ADAM19: variants seen among roughly 807,000 people sequenced by gnomAD.
ADAM19 encodes ADAM metallopeptidase domain 19.
ADAM19 carries 65 observed loss-of-function variants against 114.7 expected under a neutral mutation model. The ratio of observed to expected loss-of-function variants is 0.57; its 90% CI spans 0.46 to 0.70. The LOEUF is 0.70. Among genes scored for constraint, ADAM19 ranks in the 30% least tolerant of loss-of-function variants. The pLI is 0.00. For synonymous variants in ADAM19, 466 were observed against 460.5 expected (o/e 1.01, Z -0.15); for missense variants, 1,063 against 1,204.7 (o/e 0.88, Z 1.74).
intron 4 of ADAM19, among the ~76,000 whole-genome samples, chr5:157,532,593 G>T (rs997980224): frequency 5.3e-5 from 8 of 152,152 alleles, no homozygotes; most frequent in Non-Finnish European, 1.2e-4. Flanking sequence ...AACCCACAGG[G>T]TAGAGCCAAG....
At chr5:157,481,709 G>T in intron 22 of ADAM19, 82 bp downstream of exon 22, 1 of 1,551,828 alleles carries the variant, frequency 6.4e-7, no homozygotes, top group Non-Finnish European at 8.7e-7. Flanking sequence ...AGCATGAATT[G>T]CTTTGTTTTC....
intron 5 of ADAM19, among the ~76,000 whole-genome samples, chr5:157,521,476 G>A (rs772754516): frequency 1.5e-4 from 23 of 152,196 alleles, no homozygotes; most frequent in Non-Finnish European, 2.2e-4. Context: ...CACCACAACC[G>A]CCACTTGGGA....
intron 8 of ADAM19, among the ~76,000 whole-genome samples, chr5:157,510,252 A>G (rs1478611876): frequency 6.6e-6 from 1 of 152,250 alleles, no homozygotes; most frequent in Non-Finnish European, 1.5e-5. Context: ...AGGTGGATGG[A>G]TCACATGAGG....
At chr5:157,564,258 A>G in intron 3 of ADAM19, 115 bp downstream of exon 3, 1 of 916,860 alleles carries the variant, frequency 1.1e-6, no homozygotes, top group Non-Finnish European at 1.8e-6. Flanking sequence ...GAAACCAAGG[A>G]CTGAGAGCTT....
chr5:157,530,748 T>C (rs1756601055), intron 5 of ADAM19, 59 bp downstream of exon 5: 13 of 1,472,098 alleles, frequency 8.8e-6, no homozygotes, highest in Non-Finnish European at 1.2e-5. Flanking sequence ...TTGTCTATCT[T>C]GAAACTTCCA....
intron 2 of ADAM19, among the ~76,000 whole-genome samples, chr5:157,565,602 G>A (rs1388429046): frequency 2.0e-5 from 3 of 151,730 alleles, no homozygotes; most frequent in Non-Finnish European, 2.9e-5. Context: ...CTAGCTACTC[G>A]GGAGGCTGAG....
rs756473668 is a variant in ADAM19, at chr5:157,562,882, C to T, written c.251+1491G>A. 5.5e-4 allele frequency among the ~76,000 whole-genome samples: 84 copies of T among 152,096 alleles called. 1 individual carries two copies. Among genetic ancestry groups the T allele is most frequent in the Non-Finnish European group, 1.0e-3 (71 of 68,010 alleles). On this transcript the variant is annotated intron_variant, in intron 3 of 22. Coordinates refer to ENST00000257527, the MANE Select transcript of ADAM19 (RefSeq NM_033274.5). ...GGCCAGTCCAACTCCTAAGCATTTT[C>T]CCACAACACCAACACTATCACTTGG...
intron 3 of ADAM19, among the ~76,000 whole-genome samples, chr5:157,558,933 A>G (rs773936362): frequency 2.0e-5 from 3 of 152,110 alleles, no homozygotes; most frequent in Non-Finnish European, 4.4e-5. Context: ...GAGCTAGATT[A>G]CTCCATTAGC....
chr5:157,512,226 C>T (rs1294911108), intron 8 of ADAM19, among the ~76,000 whole-genome samples: 2 of 152,166 alleles, frequency 1.3e-5, no homozygotes, highest in Non-Finnish European at 2.9e-5. Context: ...GACCACTGAC[C>T]TTTGTTTCCA....
At chr5:157,486,916 G>T (rs1458637422) in intron 21 of ADAM19, among the ~76,000 whole-genome samples, 1 of 151,550 alleles carries the variant, frequency 6.6e-6, no homozygotes, top group Non-Finnish European at 1.5e-5. Context: ...CCAATCTGGT[G>T]TCCTCATAAG....
At chr5:157,542,124 T>C (rs367636663) in intron 3 of ADAM19, among the ~76,000 whole-genome samples, 3 of 152,176 alleles carry the variant, frequency 2.0e-5, no homozygotes, top group African/African-American at 7.2e-5. Flanking sequence ...AGGGTCTTCA[T>C]CCTGCCTATG....
chr5:157,490,659 C>T (rs545544848), intron 18 of ADAM19, among the ~76,000 whole-genome samples: 17 of 152,008 alleles, frequency 1.1e-4, no homozygotes, highest in Non-Finnish European at 2.1e-4. Flanking sequence ...TTTGGGAGGC[C>T]GCGGTCAGCA....
Position 157,544,485 on chromosome 5 carries a change from A to G in ADAM19, c.252-6494T>C, listed in dbSNP as rs138766710. ...ACCAAAGGATGTTTGGATGAGCACC[A>G]CTGACTCCTTTGGCCAGCAGGGTCT... is the stretch of plus-strand genomic sequence containing the variant. On this transcript the variant is annotated intron_variant, in intron 3 of 22. Coordinates refer to ENST00000257527, the MANE Select transcript of ADAM19 (RefSeq NM_033274.5). Among the ~76,000 whole-genome samples the G allele has an allele frequency of 2.9e-3, 440 of 152,268 alleles. 2 individuals are homozygous for G. Among genetic ancestry groups the G allele is most frequent in the Non-Finnish European group, 3.7e-3 (251 of 68,012 alleles).
chr5:157,554,454 G>A (rs1757310051), intron 3 of ADAM19, among the ~76,000 whole-genome samples: 2 of 152,208 alleles, frequency 1.3e-5, no homozygotes, highest in Admixed American at 1.3e-4. Context: ...ACCTCATATT[G>A]GACAGTTCAG....
intron 14 of ADAM19, 59 bp downstream of exon 14, chr5:157,496,835 G>C: frequency 6.9e-7 from 1 of 1,457,216 alleles, no homozygotes. Flanking sequence ...TGAGGGCCAG[G>C]GGAGGCTGGC....
chr5:157,527,019 G>A (rs115983792), intron 5 of ADAM19, among the ~76,000 whole-genome samples: 2,438 of 152,128 alleles, frequency 0.016, 77 homozygotes, highest in African/African-American at 0.055. Flanking sequence ...ATATTAGTCC[G>A]TTTTCACACT....
intron 7 of ADAM19, among the ~76,000 whole-genome samples, chr5:157,513,968 T>C (rs896790097): frequency 5.9e-5 from 9 of 152,230 alleles, no homozygotes; most frequent in Admixed American, 2.0e-4. Flanking sequence ...ATGCCTGCTA[T>C]GGGCAAGGCA....
intron 3 of ADAM19, among the ~76,000 whole-genome samples, chr5:157,556,073 G>A (rs935053001): frequency 3.9e-5 from 6 of 152,056 alleles, no homozygotes; most frequent in Non-Finnish European, 8.8e-5. Context: ...ACGGAGTCTC[G>A]CTCTGTCGCT....
intron 21 of ADAM19, among the ~76,000 whole-genome samples, chr5:157,483,294 A>G (rs1489231153): frequency 6.6e-6 from 1 of 152,212 alleles, no homozygotes; most frequent in Admixed American, 6.5e-5. Context: ...ACACGTGCAC[A>G]AAAATGAAAC....
Sources: allele counts gnomAD v4.1 joint callset (sites outside exome capture counted in the v4.1 genomes callset), GRCh38; gene constraint gnomAD v4.1.1; transcripts MANE v1.5; gene names NCBI Gene and HGNC (gene_info 2026-07-23, HGNC 2026-07-21).